The following VWF variants were observed in gnomAD, a reference collection of about 807,000 sequenced individuals.
VWF encodes the protein Factor VIII related antigen.
VWF carries 176 observed loss-of-function variants against 308.6 expected under a neutral mutation model. The observed-to-expected ratio is 0.57, with a 90% confidence interval of 0.50 to 0.65. The LOEUF is 0.65. VWF is among the 30% of genes least tolerant of loss of function. The pLI, the probability that VWF is intolerant of heterozygous loss-of-function variation, is 0.00. For synonymous variants in VWF, 1,385 were observed against 1,443.4 expected, an observed-to-expected ratio of 0.96 and a Z score of 0.92; for missense variants, 3,146 against 3,648.2, an observed-to-expected ratio of 0.86 and a Z score of 3.55.
chr12:6,033,569 C>G lies in VWF; in HGVS notation c.2685+1119G>C, dbSNP rs149987052. 6.1e-4 allele frequency among the ~76,000 whole-genome samples: 93 copies of G among 152,336 alleles called. No individual in the cohort carries two copies. In the Middle Eastern group the frequency reaches 0.01, roughly 17 times the overall value. On this transcript the variant is annotated intron_variant, in intron 20 of 51. Coordinates refer to ENST00000261405, the MANE Select transcript of VWF (RefSeq NM_000552.5). ...TTTTGCTGCTGAGGCTGGGAAACTT[C>G]CATATAGAATCTCTGGGAAAGCTCT...
At chr12:5,971,274 T>C (rs143983171) in intron 44 of VWF, among the ~76,000 whole-genome samples, 3 of 152,360 alleles carry the variant, frequency 2.0e-5, no homozygotes, top group Non-Finnish European at 4.4e-5. Flanking sequence ...TTGCAGCCTG[T>C]GGCACTTTGG....
At chr12:6,093,604 T>C (rs1289630169) in intron 6 of VWF, among the ~76,000 whole-genome samples, 2 of 152,174 alleles carry the variant, frequency 1.3e-5, no homozygotes, top group African/African-American at 2.4e-5. Flanking sequence ...CCTCAGATGA[T>C]GAGTCTCTGA....
At chr12:5,958,621 C>T (rs941036679) in intron 47 of VWF, among the ~76,000 whole-genome samples, 2 of 152,076 alleles carry the variant, frequency 1.3e-5, no homozygotes, top group African/African-American at 2.4e-5. Context: ...CCCAGGAAGT[C>T]AAGGCTGCAA....
intron 22 of VWF, among the ~76,000 whole-genome samples, chr12:6,028,757 G>A (rs1944222868): frequency 6.6e-6 from 1 of 152,114 alleles, no homozygotes; most frequent in African/African-American, 2.4e-5. Context: ...GCTCCTGAAG[G>A]AAGCACTAAA....
At chr12:5,984,976 C>A (rs1017512370) in intron 40 of VWF, 69 bp downstream of exon 40, 1 of 1,529,156 alleles carries the variant, frequency 6.5e-7, no homozygotes, top group Non-Finnish European at 9.1e-7. Context: ...CACCTTTCAG[C>A]ACCTTCAACG....
intron 5 of VWF, among the ~76,000 whole-genome samples, chr12:6,106,875 C>CA (rs201177758): frequency 0.043 from 1,416 of 33,222 alleles, 22 homozygotes; most frequent in African/African-American, 0.05. Flanking sequence ...AACTCCGACT[C>CA]AAAAAAAAAA....
chr12:5,961,962 T>A (rs1591832149), intron 47 of VWF, among the ~76,000 whole-genome samples: 2 of 145,522 alleles, frequency 1.4e-5, no homozygotes, highest in East Asian at 2.0e-4. Flanking sequence ...TGCTGTTATT[T>A]AAAAAAAAAA....
intron 47 of VWF, among the ~76,000 whole-genome samples, chr12:5,956,881 A>T (rs1565808407): frequency 6.6e-6 from 1 of 152,202 alleles, no homozygotes; most frequent in Non-Finnish European, 1.5e-5. Flanking sequence ...TAGTAAATTT[A>T]GGGTAGCCTA....
chr12:6,101,642 G>T (rs559916607), intron 5 of VWF, among the ~76,000 whole-genome samples: 4 of 152,242 alleles, frequency 2.6e-5, no homozygotes, highest in African/African-American at 9.6e-5. Flanking sequence ...CAGGCATGGT[G>T]GCGGGCGCCT....
At chr12:6,103,422 G>A (rs556487779) in intron 5 of VWF, among the ~76,000 whole-genome samples, 4,206 of 114,044 alleles carry the variant, frequency 0.037, 474 homozygotes, top group African/African-American at 0.22. Flanking sequence ...ACACGTGTGT[G>A]TATACACACG....
At position 6,038,440 on chromosome 12, in the gene VWF, C is replaced by T. The variant is rs1214484741; in HGVS notation, c.2443-1949G>A. On this transcript the variant is annotated intron_variant, in intron 18 of 51. Coordinates refer to ENST00000261405, the MANE Select transcript of VWF (RefSeq NM_000552.5). ...ATGTTGCCCCTCACCCTTGGGCAGGCCGGGCTGGGGGCTCCCAGGCCTCTT... is the reference window on the plus strand; with the variant it reads ...ATGTTGCCCCTCACCCTTGGGCAGGTCGGGCTGGGGGCTCCCAGGCCTCTT... Among the ~76,000 whole-genome samples, 3 of 152,286 alleles carry T rather than the reference C, an allele frequency of 2.0e-5. No individual in the cohort carries two copies. The East Asian group carries it at 5.8e-4, about 29-fold the overall frequency.
At chr12:6,100,710 G>C (rs12826868) in intron 5 of VWF, among the ~76,000 whole-genome samples, 56,632 of 152,004 alleles carry the variant, frequency 0.37, 12,938 homozygotes, top group Non-Finnish European at 0.51. Flanking sequence ...CATGGACACA[G>C]GAAGGGGAAC....
chr12:6,039,724 C>T (rs561737062), intron 18 of VWF, among the ~76,000 whole-genome samples: 11 of 152,226 alleles, frequency 7.2e-5, no homozygotes, highest in African/African-American at 2.2e-4. Context: ...AAATGTGCAA[C>T]GCCCACATGT....
intron 47 of VWF, among the ~76,000 whole-genome samples, chr12:5,958,704 A>G (rs1477960468): frequency 6.6e-6 from 1 of 152,112 alleles, no homozygotes; most frequent in East Asian, 1.9e-4. Context: ...ATAAATAAAT[A>G]AACATAAAAG....
At chr12:5,990,253 A>G (rs1943723185) in intron 38 of VWF, among the ~76,000 whole-genome samples, 1 of 152,206 alleles carries the variant, frequency 6.6e-6, no homozygotes, top group Non-Finnish European at 1.5e-5. Flanking sequence ...AGTGAGGTCA[A>G]TGGCAGGGCT....
intron 6 of VWF, among the ~76,000 whole-genome samples, chr12:6,079,574 C>T (rs1944884745): frequency 6.6e-6 from 1 of 151,180 alleles, no homozygotes; most frequent in Non-Finnish European, 1.5e-5. Context: ...CGCACCACTG[C>T]ACTCTAGCCT....
chr12:5,988,181 C>T (rs1251607207), intron 38 of VWF, among the ~76,000 whole-genome samples: 1 of 152,156 alleles, frequency 6.6e-6, no homozygotes, highest in African/African-American at 2.4e-5. Flanking sequence ...CGAAGGAACA[C>T]TCCCGCAGTG....
rs759611304 is a variant in VWF, at chr12:5,971,580, CCCG to C, written c.7548+16_7548+18del. ...GGCCCCAATCTGCCCTCCTCCCCGT[CCCG>C]GGGGCCTGGACCTACACTCTTCCAG... On this transcript the variant is annotated intron_variant, in intron 44 of 51. Transcript: ENST00000261405. The C allele has an allele frequency of 1.9e-6, 3 of 1,608,602 alleles. No individual in the cohort carries two copies. The highest frequency in any genetic ancestry group is 2.6e-6 in the Non-Finnish European group (3 of 1,175,248).
chr12:6,056,985 C>G lies in VWF; in HGVS notation c.1817G>C (p.Arg606Pro). 6.5e-7 allele frequency: 1 copy of G among 1,545,114 alleles called. No homozygotes were observed. The highest frequency in any genetic ancestry group is 1.2e-5 in the South Asian group (1 of 84,376). The change falls in exon 15 of 52, where the codon CGG becomes CCG. Residue 606 changes from arginine to proline, a missense_variant. Arg to Pro is a moderately radical substitution (Grantham distance 103). This residue lies in a region of VWF where 1,304 missense variants were observed against 1,353.0 expected (regional missense o/e 0.96). Transcript: ENST00000261405. Reference protein sequence around the residue: ...HRAVSPLPYLRNCRYDVCSCS... With the variant: ...HRAVSPLPYLPNCRYDVCSCS... ...GGAGCACACGTCGTAGCGGCAGTTC[C>G]GCAGGTAGGGCAGCGGGCTGACGGC...
Sources: gnomAD v4.1 joint callset for allele counts (sites outside exome capture counted in the v4.1 genomes callset) on GRCh38, gnomAD v4.1.1 for gene constraint, gnomAD v4.1.1 regional missense constraint, MANE v1.5 for transcripts, NCBI Gene and HGNC (gene_info 2026-07-23, HGNC 2026-07-21) for gene names.